The following MARCHF1 variants were observed in gnomAD, a reference collection of about 807,000 sequenced individuals.
MARCHF1 encodes the protein membrane associated ring-CH-type finger 1, also known as E3 ubiquitin-protein ligase MARCHF1.
MARCHF1 carries 40 observed loss-of-function variants against 54.2 expected under a neutral mutation model. That is an observed-to-expected ratio of 0.74 (90% CI 0.57 to 0.96). The LOEUF (loss-of-function observed/expected upper bound fraction) is 0.96. Among genes scored for constraint, MARCHF1 ranks in the 40% least tolerant of loss-of-function variants. The pLI is 0.00. For missense variants in MARCHF1, 586 were observed against 656.5 expected (o/e 0.89, Z 1.17); for synonymous variants, 236 against 236.3 (o/e 1.00, Z 0.01).
At chr4:163,862,670 G>A (rs1433293709) in intron 3 of MARCHF1, among the ~76,000 whole-genome samples, 1 of 152,004 alleles carries the variant, frequency 6.6e-6, no homozygotes, top group Non-Finnish European at 1.5e-5. Flanking sequence ...ACTAATGAAG[G>A]TAAACATAAT....
chr4:164,311,821 A>T (rs752170611), intron 1 of MARCHF1, among the ~76,000 whole-genome samples: 1 of 152,250 alleles, frequency 6.6e-6, no homozygotes, highest in Non-Finnish European at 1.5e-5. Flanking sequence ...CATATGCACC[A>T]AATAATAAAG....
chr4:163,592,729 C>G (rs536239204), intron 7 of MARCHF1, among the ~76,000 whole-genome samples: 1 of 152,164 alleles, frequency 6.6e-6, no homozygotes, highest in South Asian at 2.1e-4. Context: ...GCCATTGATA[C>G]TAGGACTTTA....
chr4:164,161,264 T>C (rs753422797), intron 1 of MARCHF1, among the ~76,000 whole-genome samples: 6 of 152,076 alleles, frequency 3.9e-5, no homozygotes, highest in Non-Finnish European at 8.8e-5. Flanking sequence ...CACTCTATTG[T>C]GTGCTCCAGC....
chr4:163,682,823 C>T (rs1744148658), intron 5 of MARCHF1, among the ~76,000 whole-genome samples: 1 of 152,146 alleles, frequency 6.6e-6, no homozygotes, highest in African/African-American at 2.4e-5. Flanking sequence ...CCGTAAGTTT[C>T]CTGAGGCCTC....
chr4:164,320,245 C>T (rs1176212635), intron 1 of MARCHF1, among the ~76,000 whole-genome samples: 1 of 152,100 alleles, frequency 6.6e-6, no homozygotes, highest in Non-Finnish European at 1.5e-5. Context: ...TGAAAATTTT[C>T]TAATAAGGTA....
intron 1 of MARCHF1, among the ~76,000 whole-genome samples, chr4:164,177,431 G>A (rs1316448107): frequency 2.6e-5 from 4 of 152,080 alleles, no homozygotes; most frequent in Non-Finnish European, 4.4e-5. Context: ...TACCATGCAC[G>A]GAGAATTGCA....
At chr4:164,329,283 T>C (rs977325565) in intron 1 of MARCHF1, among the ~76,000 whole-genome samples, 1 of 152,166 alleles carries the variant, frequency 6.6e-6, no homozygotes, top group Admixed American at 6.6e-5. Context: ...CATAACCCTC[T>C]TCTGCTTAAA....
intron 4 of MARCHF1, among the ~76,000 whole-genome samples, chr4:163,831,595 C>T (rs4508844): frequency 0.85 from 128,339 of 151,768 alleles, 54,792 homozygotes; most frequent in East Asian, 0.95. Flanking sequence ...TAAAATTAAT[C>T]AATTAAATTT....
At chr4:163,959,251 G>T (rs113475636) in intron 3 of MARCHF1, among the ~76,000 whole-genome samples, 3,893 of 151,354 alleles carry the variant, frequency 0.026, 154 homozygotes, top group African/African-American at 0.088. Context: ...GTCTGCTCAG[G>T]TTGCAATTTT....
At chr4:163,861,021 T>C (rs1749916824) in intron 3 of MARCHF1, among the ~76,000 whole-genome samples, 1 of 152,170 alleles carries the variant, frequency 6.6e-6, no homozygotes, top group Middle Eastern at 3.2e-3. Flanking sequence ...GGTCAAGGAA[T>C]TTAAAATATC....
intron 1 of MARCHF1, among the ~76,000 whole-genome samples, chr4:164,258,146 G>A (rs1413128508): frequency 6.6e-6 from 1 of 151,974 alleles, no homozygotes; most frequent in Non-Finnish European, 1.5e-5. Context: ...GCAAACACGG[G>A]AACAGAAAAC....
intron 3 of MARCHF1, among the ~76,000 whole-genome samples, chr4:163,881,908 AG>A (rs1239861279): frequency 6.6e-6 from 1 of 152,210 alleles, no homozygotes; most frequent in Non-Finnish European, 1.5e-5. Context: ...TCCTTCAAGA[AG>A]AAAGTGCCAC....
At chr4:164,306,657 A>T (rs1399017434) in intron 1 of MARCHF1, among the ~76,000 whole-genome samples, 1 of 152,186 alleles carries the variant, frequency 6.6e-6, no homozygotes, top group Admixed American at 6.5e-5. Context: ...TAAGATAAAC[A>T]AACAAGATGG....
chr4:163,568,921 T>A (rs1220832054), intron 8 of MARCHF1, among the ~76,000 whole-genome samples: 1 of 152,096 alleles, frequency 6.6e-6, no homozygotes, highest in Non-Finnish European at 1.5e-5. Context: ...CTAAGGTGAA[T>A]CAGGTGCATC....
chr4:163,636,756 A>C (rs1028630407), intron 5 of MARCHF1, among the ~76,000 whole-genome samples: 6 of 152,236 alleles, frequency 3.9e-5, no homozygotes, highest in Admixed American at 1.3e-4. Flanking sequence ...TTTAAAGTTC[A>C]TATGGAACCA....
At chr4:163,558,204 G>A (rs1739353798) in intron 8 of MARCHF1, among the ~76,000 whole-genome samples, 2 of 152,186 alleles carry the variant, frequency 1.3e-5, no homozygotes, top group Non-Finnish European at 2.9e-5. Context: ...CCGGAGCGGG[G>A]AAACATGGGG....
chr4:164,214,418 G>T (rs1185303265), intron 1 of MARCHF1, among the ~76,000 whole-genome samples: 1 of 151,932 alleles, frequency 6.6e-6, no homozygotes, highest in Non-Finnish European at 1.5e-5. Flanking sequence ...ACACATCTTT[G>T]TTTATGTAAC....
At chr4:163,943,789 G>A (rs1399161193) in intron 3 of MARCHF1, among the ~76,000 whole-genome samples, 2 of 149,266 alleles carry the variant, frequency 1.3e-5, no homozygotes, top group African/African-American at 2.5e-5. Flanking sequence ...CTCCATCCCT[G>A]GGCTTGCTGT....
At chr4:164,178,161 A>G (rs1205951930) in intron 1 of MARCHF1, among the ~76,000 whole-genome samples, 3 of 152,204 alleles carry the variant, frequency 2.0e-5, no homozygotes, top group African/African-American at 7.2e-5. Flanking sequence ...AATAACTTCA[A>G]TATAATCAAG....
Sources: allele counts gnomAD v4.1 joint callset (sites outside exome capture counted in the v4.1 genomes callset), GRCh38; gene constraint gnomAD v4.1.1; transcripts MANE v1.5; gene names NCBI Gene and HGNC (gene_info 2026-07-23, HGNC 2026-07-21).